Variants in PEAK1 observed in about 807,000 individuals in gnomAD.
PEAK1 encodes the protein pseudopodium enriched atypical kinase 1.
Under a neutral mutation model 124.7 loss-of-function variants are expected in PEAK1, and 54 were observed. That is an observed-to-expected ratio of 0.43 (90% CI 0.35 to 0.54). The LOEUF (loss-of-function observed/expected upper bound fraction) is 0.54, where lower values mean the gene tolerates loss of function less well. Ranked by LOEUF, PEAK1 falls within the 20% of genes least tolerant of loss-of-function variation. PEAK1 has a pLI of 0.01. For missense variants in PEAK1, 2,046 were observed against 2,134.5 expected, an observed-to-expected ratio of 0.96 and a Z score of 0.82; for synonymous variants, 719 against 760.0, an observed-to-expected ratio of 0.95 and a Z score of 0.89.
intron 7 of PEAK1, among the ~76,000 whole-genome samples, chr15:77,175,988 T>C (rs564692163): frequency 1.1e-4 from 16 of 151,740 alleles, no homozygotes; most frequent in Non-Finnish European, 1.9e-4. Context: ...TCATTCTCAG[T>C]AAACTATCGC....
At chr15:77,350,888 G>A (rs17469938) in intron 2 of PEAK1, 99,861 of 984,568 alleles carry the variant, frequency 0.1, 5,382 homozygotes, top group Non-Finnish European at 0.11. Context: ...CCTTGGATAC[G>A]CAGGCATTTA....
intron 2 of PEAK1, among the ~76,000 whole-genome samples, chr15:77,353,761 T>C (rs887936315): frequency 6.6e-6 from 1 of 152,200 alleles, no homozygotes; most frequent in Non-Finnish European, 1.5e-5. Context: ...AAGTCAGCAA[T>C]TGCTGGGTCC....
At chr15:77,215,457 T>C (rs1485608661) in intron 6 of PEAK1, among the ~76,000 whole-genome samples, 1 of 152,190 alleles carries the variant, frequency 6.6e-6, no homozygotes, top group African/African-American at 2.4e-5. Flanking sequence ...TATGAAATGG[T>C]ACAGTAATTG....
At chr15:77,167,181 A>G (rs2056160847) in intron 7 of PEAK1, among the ~76,000 whole-genome samples, 1 of 152,236 alleles carries the variant, frequency 6.6e-6, no homozygotes, top group African/African-American at 2.4e-5. Flanking sequence ...ATAAGCAGGA[A>G]AGGGCAAATA....
intron 5 of PEAK1, among the ~76,000 whole-genome samples, chr15:77,254,987 G>C (rs1229680165): frequency 6.6e-6 from 1 of 152,176 alleles, no homozygotes; most frequent in Non-Finnish European, 1.5e-5. Flanking sequence ...TGCTGTTTTA[G>C]ATAGCATATA....
chr15:77,414,149 C>CTTCCTTCCTTCTTTCTCTTTCCTTCCT (rs2072648782), intron 1 of PEAK1, among the ~76,000 whole-genome samples: 2 of 120,998 alleles, frequency 1.7e-5, no homozygotes, highest in Admixed American at 8.7e-5. Context: ...TCTTTCTTTC[C>CTTCCTTCCTTCTTTCTCTTTCCTTCCT]TTCCTTCCTT....
chr15:77,262,159 C>G (rs767254930), intron 5 of PEAK1, among the ~76,000 whole-genome samples: 10 of 152,182 alleles, frequency 6.6e-5, no homozygotes, highest in Admixed American at 3.9e-4. Context: ...AAAAACATGT[C>G]AAACTGTAAA....
chr15:77,347,377 G>A (rs2066930847), intron 2 of PEAK1: 4 of 985,356 alleles, frequency 4.1e-6, no homozygotes, highest in Non-Finnish European at 4.8e-6. Flanking sequence ...AGAGGTTTCT[G>A]AATCAGAAAG....
chr15:77,363,122 C>T (rs1402167138), intron 2 of PEAK1, among the ~76,000 whole-genome samples: 1 of 152,188 alleles, frequency 6.6e-6, no homozygotes, highest in African/African-American at 2.4e-5. Flanking sequence ...TCCCAAAGTG[C>T]TGGGATTACA....
At chr15:77,102,380 T>C (rs1446170826) in exon 7 of PEAK1, 1 of 152,218 alleles carries the variant, frequency 6.6e-6, no homozygotes. Flanking sequence ...CTGTTTTCCA[T>C]GGACAAAGGT....
At chr15:77,313,355 T>A (rs2064597827) in intron 2 of PEAK1, among the ~76,000 whole-genome samples, 1 of 152,072 alleles carries the variant, frequency 6.6e-6, no homozygotes, top group Admixed American at 6.5e-5. Flanking sequence ...AGTAAATAAA[T>A]GAGGAAGAAT....
chr15:77,272,879 C>T (rs561351921), intron 5 of PEAK1, among the ~76,000 whole-genome samples: 7 of 151,988 alleles, frequency 4.6e-5, no homozygotes, highest in Non-Finnish European at 8.8e-5. Flanking sequence ...ACTAGCTAAA[C>T]GAATCCAACA....
Position 77,297,720 on chromosome 15 carries a change from C to G in PEAK1, c.-602-11216G>C, listed in dbSNP as rs376415560. 3.4e-4 allele frequency among the ~76,000 whole-genome samples: 46 copies of G among 136,870 alleles called. No individual in the cohort carries two copies. In the East Asian group the frequency reaches 6.8e-3, roughly 20 times the overall value. The allele number at this position is 136,870 out of a possible 152,430, so 89.8% of individuals were successfully genotyped here. The stretch of plus-strand genomic sequence containing the variant: ...GTTGCAGTGAGCCAAGATGGCGCCA[C>G]TGCACTTCAGCCTGGCAACAGAGTG... On this transcript the variant is annotated intron_variant, in intron 2 of 9. Coordinates refer to ENST00000682557, the MANE Select transcript of PEAK1 (RefSeq NM_001385026.1).
chr15:77,141,557 A>G (rs2152754350), intron 8 of PEAK1, among the ~76,000 whole-genome samples: 1 of 152,342 alleles, frequency 6.6e-6, no homozygotes, highest in Admixed American at 6.5e-5. Flanking sequence ...ATGGAAATAG[A>G]AGAAACCTAG....
chr15:77,215,320 C>T (rs1472616518), intron 6 of PEAK1, among the ~76,000 whole-genome samples: 2 of 151,548 alleles, frequency 1.3e-5, no homozygotes, highest in African/African-American at 4.8e-5. Flanking sequence ...AAATTTACTC[C>T]CAGTTTGTGG....
At chr15:77,311,970 G>A (rs991692615) in intron 2 of PEAK1, among the ~76,000 whole-genome samples, 1 of 152,108 alleles carries the variant, frequency 6.6e-6, no homozygotes, top group Non-Finnish European at 1.5e-5. Flanking sequence ...AGTGTGGGGA[G>A]GGATGAACAC....
chr15:77,304,866 G>A (rs2063997693), intron 2 of PEAK1, among the ~76,000 whole-genome samples: 1 of 152,018 alleles, frequency 6.6e-6, no homozygotes, highest in South Asian at 2.1e-4. Context: ...AAATCACCTA[G>A]CCTACTTGGA....
chr15:77,188,906 CAT>C (rs764075471), intron 6 of PEAK1, among the ~76,000 whole-genome samples: 9 of 152,014 alleles, frequency 5.9e-5, no homozygotes, highest in Non-Finnish European at 1.2e-4. Context: ...CATAAAAACT[CAT>C]AATTCGGCCA....
intron 5 of PEAK1, among the ~76,000 whole-genome samples, chr15:77,281,055 A>C (rs2062645235): frequency 6.6e-6 from 1 of 152,010 alleles, no homozygotes; most frequent in African/African-American, 2.4e-5. Context: ...ACTCACCTGT[A>C]ATCCCAGGAG....
Sources: gnomAD v4.1 joint callset for allele counts (sites outside exome capture counted in the v4.1 genomes callset) on GRCh38, gnomAD v4.1.1 for gene constraint, MANE v1.5 for transcripts, NCBI Gene and HGNC (gene_info 2026-07-23, HGNC 2026-07-21) for gene names.